TTLL5: variants seen among roughly 807,000 people sequenced by gnomAD.
TTLL5 encodes the protein tubulin tyrosine ligase like 5.
Under a neutral mutation model 168.4 loss-of-function variants are expected in TTLL5, and 132 were observed. That is an observed-to-expected ratio of 0.78 (90% CI 0.68 to 0.91). The LOEUF (loss-of-function observed/expected upper bound fraction) is 0.91, where lower values mean the gene tolerates loss of function less well. Among genes scored for constraint, TTLL5 ranks in the 40% least tolerant of loss-of-function variants. The probability of loss-of-function intolerance (pLI) is 0.00; values close to 1 mark genes in which losing one functional copy is unlikely to be tolerated. For missense variants in TTLL5, 1,545 were observed against 1,581.5 expected (o/e 0.98, Z 0.39); for synonymous variants, 546 against 558.6 (o/e 0.98, Z 0.32).
intron 21 of TTLL5, 43 bp from the exon 22 acceptor site, chr14:75,775,441 C>T (rs987468636): frequency 6.2e-7 from 1 of 1,606,894 alleles, no homozygotes; most frequent in Non-Finnish European, 8.5e-7. Context: ...TTGCTTAGCA[C>T]CATCCCTCCT....
chr14:75,815,316 C>T (rs549897823), intron 27 of TTLL5, among the ~76,000 whole-genome samples: 2 of 152,306 alleles, frequency 1.3e-5, no homozygotes, highest in African/African-American at 4.8e-5. Context: ...TTAAAGTTTT[C>T]TCATTCCTTG....
At chr14:75,948,632 G>A (rs2034853565) in intron 31 of TTLL5, among the ~76,000 whole-genome samples, 1 of 151,798 alleles carries the variant, frequency 6.6e-6, no homozygotes, top group African/African-American at 2.4e-5. Context: ...GGTTTAAGAA[G>A]TTAAAAAAAG....
intron 7 of TTLL5, among the ~76,000 whole-genome samples, chr14:75,704,692 T>G (rs189309032): frequency 1.6e-4 from 24 of 152,362 alleles, no homozygotes; most frequent in African/African-American, 5.8e-4. Flanking sequence ...CAAAAAGTTT[T>G]TCTTAGTTGC....
intron 28 of TTLL5, among the ~76,000 whole-genome samples, chr14:75,839,652 C>T (rs1255608490): frequency 6.6e-6 from 1 of 152,094 alleles, no homozygotes; most frequent in Non-Finnish European, 1.5e-5. Context: ...CGGGGGAAAC[C>T]GTGCCCATTA....
Position 75,812,822 on chromosome 14 carries a change from C to T in TTLL5, c.3172-7185C>T, listed in dbSNP as rs1311443555. Among the ~76,000 whole-genome samples, 8 of 152,108 alleles carry T rather than the reference C, an allele frequency of 5.3e-5. No homozygotes were observed. The East Asian group carries it at 9.6e-4, about 18-fold the overall frequency. ...AACTCTGCAATGCAAGTAAGTTTCCCGTGGATCTTGAAAATGCAAATTTTG... is the reference window on the plus strand; with the variant it reads ...AACTCTGCAATGCAAGTAAGTTTCCTGTGGATCTTGAAAATGCAAATTTTG... On this transcript the variant is annotated intron_variant, in intron 27 of 31. Transcript: ENST00000298832.
intron 15 of TTLL5, chr14:75,744,278 A>G (rs1057416282): frequency 6.6e-6 from 1 of 152,222 alleles, no homozygotes; most frequent in African/African-American, 2.4e-5. Context: ...ATCTATTTCA[A>G]TAATAGTGTA....
In TTLL5 at chr14:75,752,911, G is replaced by T. The variant is rs950066641; in HGVS notation, c.1506G>T (p.Lys502Asn). The T allele has an allele frequency of 1.9e-6, 3 of 1,613,224 alleles. No homozygotes were observed. The highest frequency in any genetic ancestry group is 2.5e-6 in the Non-Finnish European group (3 of 1,179,674). The change falls in exon 18 of 32, where the codon AAG becomes AAT. Residue 502 changes from lysine to asparagine, a missense_variant. Physicochemically the swap from Lys to Asn is moderately conservative, Grantham distance 94. Coordinates refer to ENST00000298832, the MANE Select transcript of TTLL5 (RefSeq NM_015072.5). ...TTTTCAGGTCCTACCTCGAGCATAA[G>T]ACCTCAATGAACTATATGCTGGCAA... ...WEIYGSYLEH[K>N]TSMNYMLATR...
intron 30 of TTLL5, chr14:75,886,577 G>A (rs1354127526): frequency 3.8e-5 from 44 of 1,156,572 alleles, no homozygotes; most frequent in Non-Finnish European, 5.4e-5. Context: ...ATTTCATTTA[G>A]CTAAATCTCA....
In TTLL5 at chr14:75,882,885, A is replaced by G; in HGVS notation, c.3723A>G (p.Thr1241=). ...PNHEQVLRRA[T]SQKASKGSSA... Reference sequence around the variant, plus strand: ...ACGAACAAGTGCTCAGAAGGGCAACATCCCAGAAAGCTTCCAAGTAAGTTT... The same window carrying G: ...ACGAACAAGTGCTCAGAAGGGCAACGTCCCAGAAAGCTTCCAAGTAAGTTT... Residue 1241 remains threonine (T), a synonymous_variant, in exon 30 of 32, where the codon ACA becomes ACG. Transcript: ENST00000298832. 6.2e-7 allele frequency: 1 copy of G among 1,614,168 alleles called. No homozygotes were observed. Among genetic ancestry groups the G allele is most frequent in the Non-Finnish European group, 8.5e-7 (1 of 1,180,008 alleles).
chr14:75,938,350 G>C (rs1440681920), intron 31 of TTLL5, among the ~76,000 whole-genome samples: 1 of 152,164 alleles, frequency 6.6e-6, no homozygotes, highest in Non-Finnish European at 1.5e-5. Flanking sequence ...TAGCAGCAAG[G>C]TTCAAAGGAT....
rs748389396 is a variant in TTLL5, at chr14:75,792,988, A to G, written c.3059A>G (p.Tyr1020Cys). 2 of 1,613,812 alleles carry G rather than the reference A, an allele frequency of 1.2e-6. No individual in the cohort carries two copies. The highest frequency in any genetic ancestry group is 1.7e-5 in the Admixed American group (1 of 60,024). The change falls in exon 27 of 32, where the codon TAT (tyrosine) becomes TGT (cysteine). Residue 1020 changes from tyrosine (Y) to cysteine (C), a missense_variant. By Grantham distance (194) the Tyr-to-Cys change is radical. Coordinates refer to ENST00000298832, the MANE Select transcript of TTLL5 (RefSeq NM_015072.5). ...AAAGAGGGAGAAGATGCTTCTTTAT[A>G]TAGCAAACGGTACAACCAAAGTATG... ...TQKEGEDASL[Y>C]SKRYNQSMVT... is the part of the protein sequence containing the mutation.
intron 9 of TTLL5, among the ~76,000 whole-genome samples, chr14:75,708,910 T>C (rs1269935734): frequency 3.9e-5 from 6 of 152,146 alleles, no homozygotes; most frequent in African/African-American, 1.2e-4. Flanking sequence ...CTGGGCCACA[T>C]TGGAAGAAGA....
chr14:75,954,433 A>C lies in TTLL5; in HGVS notation c.3833A>C (p.His1278Pro). The C allele has an allele frequency of 6.2e-7, 1 of 1,613,966 alleles. No individual in the cohort carries two copies. Among genetic ancestry groups the C allele is most frequent in the South Asian group, 1.1e-5 (1 of 91,072 alleles). The change falls in exon 32 of 32, where the codon CAC becomes CCC. Residue 1278 changes from histidine (H) to proline (P), a missense_variant. Physicochemically the swap from His to Pro is moderately conservative, Grantham distance 77 (BLOSUM62 -2). Transcript: ENST00000298832. ...CCTTTCTCTTTTTCAGATCCTGCTC[A>C]CACTAAAATATGAACCACAAACACA... ...VPITSSTDPA[H>P]TKI
chr14:75,696,686 CTT>C (rs1885899618), intron 6 of TTLL5, among the ~76,000 whole-genome samples: 1 of 152,166 alleles, frequency 6.6e-6, no homozygotes, highest in African/African-American at 2.4e-5. Context: ...TGAAAAGACT[CTT>C]TTCTCCTCTT....
intron 31 of TTLL5, among the ~76,000 whole-genome samples, chr14:75,950,345 C>T (rs1013983097): frequency 4.6e-5 from 7 of 152,056 alleles, no homozygotes; most frequent in Admixed American, 3.9e-4. Flanking sequence ...ATTATAGTCA[C>T]GGTAAAAGGA....
chr14:75,718,300 C>T (rs1887602196), intron 10 of TTLL5, among the ~76,000 whole-genome samples: 1 of 152,188 alleles, frequency 6.6e-6, no homozygotes, highest in South Asian at 2.1e-4. Flanking sequence ...ACTTGGCAAA[C>T]ATATCAAAAG....
rs2031358308 is a variant in TTLL5, at chr14:75,874,948, T to TTTTG, written c.3523-7736_3523-7733dup. 2.8e-5 allele frequency among the ~76,000 whole-genome samples: 4 copies of TTTTG among 142,888 alleles called. 1 individual carries two copies. The South Asian group carries it at 6.9e-4, about 25-fold the overall frequency. The allele number at this position is 142,888 out of a possible 152,430, so 93.7% of individuals were successfully genotyped here. A position where few individuals can be genotyped will look rare whatever the true frequency, so the allele number is the denominator to read the frequency against. ...CACTGGGGGCCTTTTTTTTTTTTTT[T>TTTTG]TTTGAGACGGAGTCTCACTCTGTCA... is the stretch of plus-strand genomic sequence containing the variant. On this transcript the variant is annotated intron_variant, in intron 29 of 31. Transcript: ENST00000298832.
rs1894750120 is a variant in TTLL5, at chr14:75,820,258, A to G, written c.3326+97A>G. The G allele has an allele frequency of 5.3e-6, 7 of 1,309,316 alleles. No individual in the cohort carries two copies. In the South Asian group the frequency reaches 1.2e-4, roughly 23 times the overall value. The allele number at this position is 1,309,316 out of a possible 1,614,324, so 81.1% of individuals were successfully genotyped here. A position where few individuals can be genotyped will look rare whatever the true frequency, so the allele number is the denominator to read the frequency against. On this transcript the variant is annotated intron_variant, in intron 28 of 31. Transcript: ENST00000298832. ...ACCTTGAGTTCTGTATGGAGATAGC[A>G]CTAAGGCATATGCCCTTTCTCCACC...
chr14:75,890,909 C>T (rs1405854549), intron 30 of TTLL5, among the ~76,000 whole-genome samples: 2 of 152,048 alleles, frequency 1.3e-5, no homozygotes, highest in African/African-American at 4.8e-5. Flanking sequence ...TTAGTAGAGA[C>T]GGGGTTTCAC....
Sources: gnomAD v4.1 joint callset for allele counts (sites outside exome capture counted in the v4.1 genomes callset) on GRCh38, gnomAD v4.1.1 for gene constraint, MANE v1.5 for transcripts, NCBI Gene and HGNC (gene_info 2026-07-23, HGNC 2026-07-21) for gene names.